TEKT5: variants seen among roughly 807,000 people sequenced by gnomAD.
TEKT5 encodes tektin-5.
In TEKT5, 52 loss-of-function variants were observed where a neutral mutation model predicts 48.7. That is an observed-to-expected ratio of 1.07 (90% CI 0.86 to 1.35). The LOEUF is 1.35. Among genes scored for constraint, TEKT5 ranks in the 40% most tolerant of loss-of-function variants. The probability of loss-of-function intolerance (pLI) is 0.00; values close to 1 mark genes in which losing one functional copy is unlikely to be tolerated. For missense variants in TEKT5, 831 were observed against 641.6 expected (o/e 1.30, Z -3.19); for synonymous variants, 318 against 267.6 (o/e 1.19, Z -1.84).
chr16:10,675,996 G>A lies in TEKT5; in HGVS notation c.1049C>T (p.Thr350Met), dbSNP rs376244509. 2.8e-5 allele frequency: 45 copies of A among 1,614,080 alleles called. No individual in the cohort carries two copies. In the Admixed American group the frequency reaches 3.7e-4, roughly 13 times the overall value. Reference sequence around the variant, plus strand: ...CGTCTGCAGCTTATTCTTCACATCCGTCACCTCAGAGATGCGGGCGTTGAA... The same window carrying A: ...CGTCTGCAGCTTATTCTTCACATCCATCACCTCAGAGATGCGGGCGTTGAA... ...LAFNARISEV[T>M]DVKNKLQTQL... Residue 350 changes from threonine to methionine, a missense_variant, in exon 5 of 7, where the codon ACG (threonine) becomes ATG (methionine). Coordinates refer to ENST00000283025, the MANE Select transcript of TEKT5 (RefSeq NM_144674.2).
At chr16:10,681,893 T>C in intron 4 of TEKT5, 100 bp downstream of exon 4, 1 of 1,475,242 alleles carries the variant, frequency 6.8e-7, no homozygotes, top group Non-Finnish European at 9.3e-7. Context: ...ACTTCCCACT[T>C]AACTGGTGCA....
At chr16:10,635,097 C>G (rs998546089) in intron 6 of TEKT5, among the ~76,000 whole-genome samples, 8 of 152,188 alleles carry the variant, frequency 5.3e-5, no homozygotes, top group African/African-American at 1.7e-4. Context: ...CCAAGTCATA[C>G]AGCACGTTCA....
At chr16:10,679,572 T>G (rs1898708421) in intron 4 of TEKT5, among the ~76,000 whole-genome samples, 2 of 152,202 alleles carry the variant, frequency 1.3e-5, no homozygotes, top group South Asian at 4.2e-4. Context: ...AACGTCCTGT[T>G]TCATCCGCCC....
chr16:10,627,794 A>G lies in TEKT5; in HGVS notation c.1247T>C (p.Val416Ala). 1 of 1,614,030 alleles carries G rather than the reference A, an allele frequency of 6.2e-7. No homozygotes were observed. Among genetic ancestry groups the G allele is most frequent in the Non-Finnish European group, 8.5e-7 (1 of 1,180,000 alleles). ...GTCGTCGATGGTGAACACCTCGTTC[A>G]CCAGCCTGGGGTGAGGGCAGAGGAG... ...LCRDIPQLKLVNEVFTIDDTL... is the reference protein window; with the variant it reads ...LCRDIPQLKLANEVFTIDDTL... Residue 416 changes from valine (V) to alanine (A), a missense_variant, in exon 7 of 7, where the codon GTG (valine) becomes GCG (alanine). Transcript: ENST00000283025.
At chr16:10,658,356 A>G (rs747531413) in intron 5 of TEKT5, among the ~76,000 whole-genome samples, 11 of 152,256 alleles carry the variant, frequency 7.2e-5, no homozygotes, top group Non-Finnish European at 1.3e-4. Context: ...ATCTATCAAC[A>G]GGAGGATGGA....
chr16:10,650,996 A>G (rs191938153), intron 5 of TEKT5, among the ~76,000 whole-genome samples: 31 of 152,280 alleles, frequency 2.0e-4, no homozygotes, highest in Admixed American at 1.2e-3. Context: ...GGGACTCCCA[A>G]TGCCAGAGAG....
chr16:10,687,178 T>A (rs1898876489), intron 3 of TEKT5, among the ~76,000 whole-genome samples: 1 of 152,172 alleles, frequency 6.6e-6, no homozygotes, highest in Non-Finnish European at 1.5e-5. Flanking sequence ...TTAACAACAA[T>A]GTACTGTGTT....
At chr16:10,663,388 G>A (rs371447112) in intron 5 of TEKT5, among the ~76,000 whole-genome samples, 1 of 152,308 alleles carries the variant, frequency 6.6e-6, no homozygotes, top group Admixed American at 6.5e-5. Context: ...TGGATGTTTT[G>A]TGCAACCTTG....
intron 5 of TEKT5, among the ~76,000 whole-genome samples, chr16:10,675,618 C>G (rs574680419): frequency 6.6e-6 from 1 of 152,284 alleles, no homozygotes; most frequent in Non-Finnish European, 1.5e-5. Context: ...GCAGAAGTGG[C>G]AGAGACTATG....
chr16:10,694,704 T>C lies in TEKT5; in HGVS notation c.170A>G (p.Lys57Arg), dbSNP rs2142321771. 1.9e-6 allele frequency: 3 copies of C among 1,613,864 alleles called. No homozygotes were observed. The highest frequency in any genetic ancestry group is 2.5e-6 in the Non-Finnish European group (3 of 1,179,828). The change falls in exon 1 of 7, where the codon AAG (lysine) becomes AGG (arginine). Residue 57 changes from lysine (K) to arginine (R), a missense_variant. By Grantham distance (26) the Lys-to-Arg change is conservative. Coordinates refer to ENST00000283025, the MANE Select transcript of TEKT5 (RefSeq NM_144674.2). Reference sequence around the variant, plus strand: ...CGGGCAGGTCTGGACGTTGGCTATCTTGTAGAAGAGGCTAGGCCTCCATGA... The same window carrying C: ...CGGGCAGGTCTGGACGTTGGCTATCCTGTAGAAGAGGCTAGGCCTCCATGA... ...LNSWRPSLFY[K>R]IANVQTCPDE...
At chr16:10,689,393 C>G in intron 2 of TEKT5, 70 bp from the exon 3 acceptor site, 1 of 1,349,186 alleles carries the variant, frequency 7.4e-7, no homozygotes, top group Non-Finnish European at 1.1e-6. Flanking sequence ...AGGCCAGAGC[C>G]CTCAGCTCTC....
chr16:10,653,568 C>T (rs1204512753), intron 5 of TEKT5, among the ~76,000 whole-genome samples: 1 of 152,190 alleles, frequency 6.6e-6, no homozygotes, highest in East Asian at 1.9e-4. Context: ...TTTCTAGCTG[C>T]CAGACACTGT....
intron 1 of TEKT5, chr16:10,690,864 G>C: frequency 1.2e-6 from 1 of 840,420 alleles, no homozygotes; most frequent in Non-Finnish European, 1.4e-6. Context: ...CTGGATGTCA[G>C]GATGCAAATG....
At position 10,635,860 on chromosome 16, in the gene TEKT5, A is replaced by G. The variant is rs1209566175; in HGVS notation, c.1145T>C (p.Met382Thr). Residue 382 changes from methionine (M) to threonine (T), a missense_variant, in exon 6 of 7, where the codon ATG (methionine) becomes ACG (threonine). Transcript: ENST00000283025. ...NTIMLLERSI[M>T]AKEGPLKVAQ... is the part of the protein sequence containing the mutation. ...CACCTTCAGCGGGCCCTCCTTGGCC[A>G]TGATGGACCTTTCCAGCAGCATGAT... The G allele has an allele frequency of 5.6e-6, 9 of 1,614,052 alleles. No individual in the cohort carries two copies. Among genetic ancestry groups the G allele is most frequent in the Non-Finnish European group, 6.8e-6 (8 of 1,180,050 alleles).
At chr16:10,683,146 T>C (rs541064679) in intron 3 of TEKT5, among the ~76,000 whole-genome samples, 3 of 140,968 alleles carry the variant, frequency 2.1e-5, no homozygotes, top group African/African-American at 8.1e-5. Flanking sequence ...TTCCAAGGTG[T>C]CTGAGCTGGG....
At chr16:10,690,097 T>C (rs1412399870) in intron 1 of TEKT5, 72 bp from the exon 2 acceptor site, 2 of 1,505,046 alleles carry the variant, frequency 1.3e-6, no homozygotes, top group African/African-American at 1.4e-5. Context: ...GGGACTCACA[T>C]CCACCCTTGC....
intron 4 of TEKT5, among the ~76,000 whole-genome samples, chr16:10,681,239 G>T (rs1226515992): frequency 6.6e-6 from 1 of 152,134 alleles, no homozygotes. Flanking sequence ...ACTCCCAGCA[G>T]CCCTGGGAAG....
chr16:10,683,872 C>A (rs935116711), intron 3 of TEKT5, among the ~76,000 whole-genome samples: 1 of 152,136 alleles, frequency 6.6e-6, no homozygotes, highest in Non-Finnish European at 1.5e-5. Flanking sequence ...GGATTATAGG[C>A]ATAAGCCACC....
At chr16:10,633,574 G>T (rs1348088885) in intron 6 of TEKT5, among the ~76,000 whole-genome samples, 1 of 152,140 alleles carries the variant, frequency 6.6e-6, no homozygotes, top group Non-Finnish European at 1.5e-5. Flanking sequence ...GCTGGGTGTT[G>T]CTCTGTTGCC....
Sources: gnomAD v4.1 joint callset for allele counts (sites outside exome capture counted in the v4.1 genomes callset) on GRCh38, gnomAD v4.1.1 for gene constraint, MANE v1.5 for transcripts, NCBI Gene and HGNC (gene_info 2026-07-23, HGNC 2026-07-21) for gene names.